Variants in PBX3 observed in about 807,000 individuals in gnomAD.
The protein encoded by PBX3 is PBX homeobox 3.
A neutral mutation model predicts 48.5 loss-of-function variants in PBX3; 14 were observed. The observed-to-expected ratio is 0.29, with a 90% CI of 0.19 to 0.45. The LOEUF is 0.45. Among genes scored for constraint, PBX3 ranks in the 20% least tolerant of loss-of-function variants. PBX3 has a pLI of 1.00. For synonymous variants in PBX3, 210 were observed against 200.3 expected, an observed-to-expected ratio of 1.05 and a Z score of -0.41; for missense variants, 386 against 546.7, an observed-to-expected ratio of 0.71 and a Z score of 2.93.
intron 3 of PBX3, among the ~76,000 whole-genome samples, chr9:125,926,635 G>A (rs1475692405): frequency 6.6e-6 from 1 of 151,634 alleles, no homozygotes; most frequent in African/African-American, 2.4e-5. Context: ...TGACCAACAT[G>A]GTGAAACCCC....
At chr9:125,760,087 C>T (rs4838292) in intron 2 of PBX3, among the ~76,000 whole-genome samples, 1 of 152,032 alleles carries the variant, frequency 6.6e-6, no homozygotes, top group African/African-American at 2.4e-5. Context: ...CCATTCCAAC[C>T]TATCTGAGCA....
chr9:125,809,987 A>G (rs111791405), intron 2 of PBX3, among the ~76,000 whole-genome samples: 75 of 152,356 alleles, frequency 4.9e-4, no homozygotes, highest in Non-Finnish European at 9.7e-4. Flanking sequence ...TTGTTCCAAC[A>G]TGATTGGTAT....
At chr9:125,866,672 T>C (rs1839989600) in intron 2 of PBX3, among the ~76,000 whole-genome samples, 1 of 152,220 alleles carries the variant, frequency 6.6e-6, no homozygotes, top group Non-Finnish European at 1.5e-5. Context: ...TCAGCTTCTA[T>C]ATCTCGTTTC....
At position 125,791,852 on chromosome 9, in the gene PBX3, C is replaced by T. The variant is rs548062714; in HGVS notation, c.274+43229C>T. ...TCGGGAGGCTGAGGTAGGAGAATGG[C>T]GTGAACCCGGGAGGCAGAGGTTGCA... On this transcript the variant is annotated intron_variant, in intron 2 of 8. Transcript: ENST00000373489. Among the ~76,000 whole-genome samples, 4 of 151,068 alleles carry T rather than the reference C, an allele frequency of 2.6e-5. No homozygotes were observed. The East Asian group carries it at 5.8e-4, about 22-fold the overall frequency.
chr9:125,826,506 G>A (rs1232297372), intron 2 of PBX3, among the ~76,000 whole-genome samples: 2 of 151,998 alleles, frequency 1.3e-5, no homozygotes, highest in Non-Finnish European at 2.9e-5. Flanking sequence ...GAATACATAA[G>A]ATATATTTCA....
rs529709117 is a variant in PBX3 at position 125,960,296 on chromosome 9, A to T, written c.844-388A>T. Among the ~76,000 whole-genome samples, 13 of 152,348 alleles carry T rather than the reference A, an allele frequency of 8.5e-5. No individual in the cohort carries two copies. The East Asian group carries it at 2.5e-3, about 29-fold the overall frequency. The stretch of plus-strand genomic sequence containing the variant: ...AATTGTTCTAGACCCAAAAAAGAAG[A>T]ATAAGTCGTTCATGTTCAAGTATTT... On this transcript the variant is annotated intron_variant, in intron 5 of 8. Coordinates refer to ENST00000373489, the MANE Select transcript of PBX3 (RefSeq NM_006195.6).
At chr9:125,828,081 A>G (rs1838858426) in intron 2 of PBX3, among the ~76,000 whole-genome samples, 1 of 152,104 alleles carries the variant, frequency 6.6e-6, no homozygotes, top group South Asian at 2.1e-4. Context: ...GGATATAATG[A>G]TGTGTATTTT....
At chr9:125,810,752 A>G (rs1253846096) in intron 2 of PBX3, among the ~76,000 whole-genome samples, 1 of 152,196 alleles carries the variant, frequency 6.6e-6, no homozygotes, top group African/African-American at 2.4e-5. Context: ...AATCAGATGC[A>G]GTCACCTGAG....
At chr9:125,780,183 GCGAGGTGCTGATCCCCC>G (rs1837219356) in intron 2 of PBX3, among the ~76,000 whole-genome samples, 2 of 139,562 alleles carry the variant, frequency 1.4e-5, no homozygotes, top group East Asian at 2.6e-4. Context: ...GGCTGGCCGG[GCGAGGTGCTGATCCCCC>G]CACCTCCCTC....
chr9:125,948,739 T>C (rs903813779), intron 5 of PBX3, among the ~76,000 whole-genome samples: 13 of 151,548 alleles, frequency 8.6e-5, no homozygotes, highest in South Asian at 2.1e-4. Context: ...TATATATACA[T>C]GCACACAGTA....
chr9:125,866,799 G>A (rs1455382691), intron 2 of PBX3, among the ~76,000 whole-genome samples: 1 of 152,106 alleles, frequency 6.6e-6, no homozygotes, highest in Non-Finnish European at 1.5e-5. Context: ...GATTTTTCTT[G>A]AAAGTGTTAA....
intron 2 of PBX3, among the ~76,000 whole-genome samples, chr9:125,786,973 C>T (rs1405231667): frequency 7.0e-6 from 1 of 141,856 alleles, no homozygotes; most frequent in Non-Finnish European, 1.5e-5. Context: ...CATCTGCCCA[C>T]CTCGGCCTCG....
rs540034113 is a variant in PBX3 at position 125,759,183 on chromosome 9, A to G, written c.274+10560A>G. Among the ~76,000 whole-genome samples, 1 of 152,326 alleles carries G rather than the reference A, an allele frequency of 6.6e-6. No homozygotes were observed. The highest frequency in any genetic ancestry group is 2.4e-5 in the African/African-American group (1 of 41,566). On this transcript the variant is annotated intron_variant, in intron 2 of 8. Coordinates refer to ENST00000373489, the MANE Select transcript of PBX3 (RefSeq NM_006195.6). The surrounding 1 kb of genome is among the most constrained non-coding windows in gnomAD (Gnocchi z 4.2). ...AGAGCTGTGGTCAGCACTAGTGTAA[A>G]TATTTGTAGACAACCATGTTTTACA... is the stretch of plus-strand genomic sequence containing the variant.
chr9:125,759,603 G>A lies in PBX3; in HGVS notation c.274+10980G>A, dbSNP rs2131970697. Among the ~76,000 whole-genome samples the A allele has an allele frequency of 6.6e-6, 1 of 152,300 alleles. No individual in the cohort carries two copies. Among genetic ancestry groups the A allele is most frequent in the Non-Finnish European group, 1.5e-5 (1 of 68,032 alleles). ...ATGAATATAGCTTCACAAAACAGAT[G>A]CTGTTTAAGAAAAGGGGGAACATAA... is the stretch of plus-strand genomic sequence containing the variant. On this transcript the variant is annotated intron_variant, in intron 2 of 8. Transcript: ENST00000373489. The surrounding 1 kb of genome is among the most constrained non-coding windows in gnomAD (Gnocchi z 4.2).
intron 5 of PBX3, among the ~76,000 whole-genome samples, chr9:125,936,987 G>C (rs550464829): frequency 6.6e-6 from 1 of 152,318 alleles, no homozygotes; most frequent in African/African-American, 2.4e-5. Context: ...ATTAGTGAAA[G>C]GATTAGGTTC....
intron 2 of PBX3, among the ~76,000 whole-genome samples, chr9:125,801,050 C>T (rs1342715858): frequency 1.3e-5 from 2 of 152,118 alleles, no homozygotes; most frequent in Admixed American, 6.5e-5. Flanking sequence ...CGTGCTTGGC[C>T]TGGAATTAAT....
intron 3 of PBX3, 92 bp from the exon 4 acceptor site, chr9:125,929,563 T>C: frequency 1.2e-6 from 1 of 835,650 alleles, no homozygotes; most frequent in Non-Finnish European, 1.9e-6. Flanking sequence ...ATGCTATTGG[T>C]GAATGCAAAT....
intron 2 of PBX3, among the ~76,000 whole-genome samples, chr9:125,876,416 TTCC>T (rs1840248296): frequency 6.6e-6 from 1 of 152,148 alleles, no homozygotes; most frequent in Non-Finnish European, 1.5e-5. Flanking sequence ...CCCTTTCCTC[TTCC>T]TCCTCCTCCC....
At chr9:125,944,933 C>T (rs1288312419) in intron 5 of PBX3, among the ~76,000 whole-genome samples, 1 of 152,054 alleles carries the variant, frequency 6.6e-6, no homozygotes, top group Non-Finnish European at 1.5e-5. Flanking sequence ...ATAAAAATAG[C>T]ATGTACTGGC....
Sources: allele counts gnomAD v4.1 joint callset (sites outside exome capture counted in the v4.1 genomes callset), GRCh38; gene constraint gnomAD v4.1.1; non-coding constraint Gnocchi (gnomAD v3.1); transcripts MANE v1.5; gene names NCBI Gene and HGNC (gene_info 2026-07-23, HGNC 2026-07-21).